CFHR2: variants seen among roughly 807,000 people sequenced by gnomAD.
CFHR2 encodes the protein complement factor H-related protein 2.
In CFHR2, 22 loss-of-function variants were observed where a neutral mutation model predicts 21.7. The ratio of observed to expected loss-of-function variants is 1.01; its 90% confidence interval spans 0.72 to 1.45. The LOEUF (loss-of-function observed/expected upper bound fraction) is 1.45. CFHR2 is among the 40% of genes most tolerant of loss of function. The pLI is 0.00. For missense variants in CFHR2, 294 were observed against 293.3 expected (o/e 1.00, Z -0.02); for synonymous variants, 98 against 97.4 (o/e 1.01, Z -0.04).
chr1:196,946,389 T>C (rs1188556263), intron 1 of CFHR2, among the ~76,000 whole-genome samples: 1 of 152,214 alleles, frequency 6.6e-6, no homozygotes, highest in Non-Finnish European at 1.5e-5. Context: ...TCTTCGATAA[T>C]AAATTAACCT....
chr1:196,947,150 T>TGA (rs1329210281), intron 1 of CFHR2, among the ~76,000 whole-genome samples: 1 of 152,030 alleles, frequency 6.6e-6, no homozygotes, highest in Non-Finnish European at 1.5e-5. Context: ...TGTGTGTGTG[T>TGA]GTGTATCCCA....
intron 3 of CFHR2, among the ~76,000 whole-genome samples, chr1:196,952,143 G>T (rs1489271105): frequency 6.6e-6 from 1 of 152,132 alleles, no homozygotes; most frequent in African/African-American, 2.4e-5. Flanking sequence ...GGGCACAGTG[G>T]TGTGTGCCTC....
intron 3 of CFHR2, among the ~76,000 whole-genome samples, chr1:196,953,851 GATTT>G (rs1249460436): frequency 6.6e-6 from 1 of 151,942 alleles, no homozygotes; most frequent in Admixed American, 6.6e-5. Flanking sequence ...GTGTATACTT[GATTT>G]ATTTGGATTA....
At chr1:196,947,569 A>G (rs1040116532) in intron 1 of CFHR2, among the ~76,000 whole-genome samples, 1 of 152,210 alleles carries the variant, frequency 6.6e-6, no homozygotes. Context: ...CGTTTCACAA[A>G]GTGAAAATAT....
Position 196,952,990 on chromosome 1 carries a change from C to T in CFHR2, c.430+1962C>T, listed in dbSNP as rs146282373. On this transcript the variant is annotated intron_variant, in intron 3 of 4. Transcript: ENST00000367415. ...GAATCTCCAAAGTGGAAGAATTTAGCGGAACACTCTATGTCCAAGGTTGAA... is the reference window on the plus strand; with the variant it reads ...GAATCTCCAAAGTGGAAGAATTTAGTGGAACACTCTATGTCCAAGGTTGAA... 5.3e-5 allele frequency among the ~76,000 whole-genome samples: 8 copies of T among 152,222 alleles called. No individual in the cohort carries two copies. The East Asian group carries it at 5.8e-4, about 11-fold the overall frequency.
chr1:196,951,820 C>T (rs1366439824), intron 3 of CFHR2, among the ~76,000 whole-genome samples: 1 of 152,106 alleles, frequency 6.6e-6, no homozygotes, highest in Non-Finnish European at 1.5e-5. Context: ...CCATTGAGTT[C>T]TTGCTGGGTT....
intron 3 of CFHR2, among the ~76,000 whole-genome samples, chr1:196,954,677 C>CAA (rs11406169): frequency 1.5e-4 from 23 of 151,186 alleles, no homozygotes; most frequent in African/African-American, 4.4e-4. Flanking sequence ...CACCTGGAAC[C>CAA]AAAAAAAAAC....
In CFHR2 at chr1:196,959,618, C is replaced by G. The variant is rs1158566256; in HGVS notation, c.*538C>G. 6.6e-6 allele frequency among the ~76,000 whole-genome samples: 1 copy of G among 152,030 alleles called. No individual in the cohort carries two copies. Among genetic ancestry groups the G allele is most frequent in the African/African-American group, 2.4e-5 (1 of 41,404 alleles). On this transcript the variant is annotated 3_prime_UTR_variant, in exon 5 of 5. Transcript: ENST00000367415. ...AACTATGTATATCCACATAAATAAT[C>G]AAAATAATTTGTGTTTTGGTGAGAA...
chr1:196,950,579 T>C (rs1407193835), intron 2 of CFHR2, among the ~76,000 whole-genome samples: 1 of 152,136 alleles, frequency 6.6e-6, no homozygotes, highest in Non-Finnish European at 1.5e-5. Context: ...GTTCAAGTGA[T>C]TCTCCTGTCT....
chr1:196,948,374 C>A (rs1028510426), intron 1 of CFHR2, among the ~76,000 whole-genome samples: 6 of 152,098 alleles, frequency 3.9e-5, no homozygotes, highest in Non-Finnish European at 7.4e-5. Context: ...CTCCTGGGTT[C>A]AAGTGATTCT....
At chr1:196,957,367 T>C (rs1571496970) in intron 3 of CFHR2, among the ~76,000 whole-genome samples, 2 of 150,366 alleles carry the variant, frequency 1.3e-5, no homozygotes, top group South Asian at 4.2e-4. Flanking sequence ...TTTTACTTTG[T>C]GTTCAAAATT....
intron 1 of CFHR2, among the ~76,000 whole-genome samples, chr1:196,945,957 C>T (rs1659466253): frequency 6.6e-6 from 1 of 151,756 alleles, no homozygotes; most frequent in Non-Finnish European, 1.5e-5. Context: ...TATAGCCTGT[C>T]GCTCCTAGGC....
chr1:196,956,951 G>GCA (rs1652907444), intron 3 of CFHR2, among the ~76,000 whole-genome samples: 1 of 152,118 alleles, frequency 6.6e-6, no homozygotes, highest in African/African-American at 2.4e-5. Context: ...ATCAATCATG[G>GCA]GAAAAGGGAG....
In CFHR2 at chr1:196,949,664, T is replaced by C. The variant is rs776587645; in HGVS notation, c.253+15T>C. 5.6e-6 allele frequency: 9 copies of C among 1,613,204 alleles called. No individual in the cohort carries two copies. The highest frequency in any genetic ancestry group is 7.6e-6 in the Non-Finnish European group (9 of 1,179,378). On this transcript the variant is annotated intron_variant, in intron 2 of 4. Coordinates refer to ENST00000367415, the MANE Select transcript of CFHR2 (RefSeq NM_005666.4). ...AAAGTGTCTCAGTGAGTAAATGCCC[T>C]GTTCATTAAATGGATGTCATTCAAT... is the stretch of plus-strand genomic sequence containing the variant.
intron 3 of CFHR2, among the ~76,000 whole-genome samples, chr1:196,955,919 A>AAACTTAC (rs576768195): frequency 2.0e-5 from 3 of 152,188 alleles, no homozygotes; most frequent in Non-Finnish European, 4.4e-5. Flanking sequence ...TGGCTTCAGA[A>AAACTTAC]AACTTACAAT....
intron 1 of CFHR2, among the ~76,000 whole-genome samples, chr1:196,946,124 T>C (rs1278311039): frequency 6.6e-6 from 1 of 152,098 alleles, no homozygotes; most frequent in Non-Finnish European, 1.5e-5. Context: ...ATGAATAGGG[T>C]GTGTAGGACT....
chr1:196,956,742 G>A (rs1219120849), intron 3 of CFHR2, among the ~76,000 whole-genome samples: 1 of 151,836 alleles, frequency 6.6e-6, no homozygotes, highest in East Asian at 1.9e-4. Flanking sequence ...TGTCTTCTTA[G>A]TGTTGTCTTT....
At position 196,958,981 on chromosome 1, in the gene CFHR2, A is replaced by C; in HGVS notation, c.714A>C (p.Glu238Asp). Residue 238 changes from glutamate to aspartate, a missense_variant, in exon 5 of 5, where the codon GAA becomes GAC. Transcript: ENST00000367415. Reference protein sequence around the residue: ...KLYSRTGDIVEFVCKSGYHPT... With the variant: ...KLYSRTGDIVDFVCKSGYHPT... ...ATTCAAGAACAGGTGACATAGTTGAATTTGTTTGTAAATCTGGATATCATC... is the reference window on the plus strand; with the variant it reads ...ATTCAAGAACAGGTGACATAGTTGACTTTGTTTGTAAATCTGGATATCATC... The C allele has an allele frequency of 1.9e-6, 3 of 1,611,604 alleles. No homozygotes were observed. Among genetic ancestry groups the C allele is most frequent in the Non-Finnish European group, 2.5e-6 (3 of 1,178,182 alleles).
intron 3 of CFHR2, among the ~76,000 whole-genome samples, chr1:196,953,031 G>A (rs1652685576): frequency 6.6e-6 from 1 of 152,132 alleles, no homozygotes; most frequent in Non-Finnish European, 1.5e-5. Flanking sequence ...GCTCAAGAAC[G>A]CTGTGGAGAG....
Sources: gnomAD v4.1 joint callset for allele counts (sites outside exome capture counted in the v4.1 genomes callset) on GRCh38, gnomAD v4.1.1 for gene constraint, MANE v1.5 for transcripts, NCBI Gene and HGNC (gene_info 2026-07-23, HGNC 2026-07-21) for gene names.